The following DOCK1 variants were observed in gnomAD, a reference collection of about 807,000 sequenced individuals.
DOCK1 encodes dedicator of cytokinesis protein 1.
A neutral mutation model predicts 262.7 loss-of-function variants in DOCK1; 138 were observed. The ratio of observed to expected loss-of-function variants is 0.53; its 90% CI spans 0.46 to 0.61. DOCK1 has a LOEUF of 0.61. Ranked by LOEUF, DOCK1 falls within the 20% of genes least tolerant of loss-of-function variation. The pLI is 0.00. For missense variants in DOCK1, 1,908 were observed against 2,370.7 expected, an observed-to-expected ratio of 0.80 and a Z score of 4.05; for synonymous variants, 866 against 867.4, an observed-to-expected ratio of 1.00 and a Z score of 0.03.
chr10:126,985,706 A>G (rs1213699390), intron 4 of DOCK1, among the ~76,000 whole-genome samples: 1 of 152,160 alleles, frequency 6.6e-6, no homozygotes, highest in Non-Finnish European at 1.5e-5. Flanking sequence ...TGCAGACTTT[A>G]TAGGGATGAC....
chr10:127,124,914 C>T (rs960547589), intron 25 of DOCK1, among the ~76,000 whole-genome samples: 3 of 151,952 alleles, frequency 2.0e-5, no homozygotes, highest in Non-Finnish European at 4.4e-5. Flanking sequence ...TTAAAAAACC[C>T]GTGTGTGGCT....
intron 27 of DOCK1, among the ~76,000 whole-genome samples, chr10:127,219,632 C>T (rs919702839): frequency 1.3e-5 from 2 of 152,112 alleles, no homozygotes; most frequent in African/African-American, 4.8e-5. Flanking sequence ...AATAACAACA[C>T]CCCATTTCTC....
At chr10:127,252,769 A>G (rs942889021) in intron 28 of DOCK1, among the ~76,000 whole-genome samples, 2 of 151,742 alleles carry the variant, frequency 1.3e-5, no homozygotes, top group Non-Finnish European at 2.9e-5. Flanking sequence ...TACCAGTACC[A>G]TGCTGTTTTG....
chr10:126,926,896 A>G (rs1162387103), intron 1 of DOCK1, among the ~76,000 whole-genome samples: 1 of 152,244 alleles, frequency 6.6e-6, no homozygotes, highest in Admixed American at 6.5e-5. Flanking sequence ...AAACTGTGAG[A>G]AAATAAATAT....
At chr10:127,387,393 A>T (rs187994042) in intron 38 of DOCK1, among the ~76,000 whole-genome samples, 3 of 152,198 alleles carry the variant, frequency 2.0e-5, no homozygotes, top group Admixed American at 2.0e-4. Context: ...GGCTTTCTCA[A>T]TCTGGGCATG....
chr10:127,174,797 T>C (rs2133882280), intron 27 of DOCK1, among the ~76,000 whole-genome samples: 1 of 152,358 alleles, frequency 6.6e-6, no homozygotes, highest in Non-Finnish European at 1.5e-5. Context: ...GAAATTTCCT[T>C]TCTCTTCCTA....
intron 22 of DOCK1, among the ~76,000 whole-genome samples, chr10:127,056,393 G>T (rs769473321): frequency 6.6e-6 from 1 of 152,038 alleles, no homozygotes; most frequent in African/African-American, 2.4e-5. Context: ...ACATGGTCTC[G>T]CTATGTTGCC....
chr10:126,969,814 T>C lies in DOCK1; in HGVS notation c.47-888T>C, dbSNP rs554506710. 2.0e-5 allele frequency among the ~76,000 whole-genome samples: 3 copies of C among 152,272 alleles called. No homozygotes were observed. The South Asian group carries it at 6.2e-4, about 32-fold the overall frequency. On this transcript the variant is annotated intron_variant, in intron 1 of 51. Coordinates refer to ENST00000623213, the MANE Select transcript of DOCK1 (RefSeq NM_001290223.2). ...AGAGGAGTTTGCACATGACATGGTT[T>C]AATTTTAGAGAATTTTAGAGGTGTG... is the stretch of plus-strand genomic sequence containing the variant.
At chr10:127,052,905 T>G in intron 22 of DOCK1, 90 bp downstream of exon 22, 1 of 1,508,418 alleles carries the variant, frequency 6.6e-7, no homozygotes, top group Non-Finnish European at 8.9e-7. Flanking sequence ...GTCCCCTTAT[T>G]CTTTCCTTTC....
intron 27 of DOCK1, among the ~76,000 whole-genome samples, chr10:127,139,384 C>G (rs2051007383): frequency 6.6e-6 from 1 of 151,712 alleles, no homozygotes; most frequent in Non-Finnish European, 1.5e-5. Context: ...TCTAATATTA[C>G]TCAAAAAATT....
intron 27 of DOCK1, among the ~76,000 whole-genome samples, chr10:127,239,672 C>T (rs946854484): frequency 6.6e-6 from 1 of 152,008 alleles, no homozygotes; most frequent in African/African-American, 2.4e-5. Context: ...TTTTTTAAGA[C>T]CGAGTTACGC....
rs891546915 is a variant in DOCK1 at position 126,934,641 on chromosome 10, G to T, written c.46+29078G>T. ...AGGTTTTTTGTTTTGTTTTTTTCCT[G>T]TTGAAAAGATGTGTGTCAACTTAAC... On this transcript the variant is annotated intron_variant, in intron 1 of 51. Transcript: ENST00000623213. Among the ~76,000 whole-genome samples the T allele has an allele frequency of 1.8e-3, 274 of 151,132 alleles. 2 individuals carry two copies. Among genetic ancestry groups the T allele is most frequent in the Non-Finnish European group, 1.3e-3 (86 of 67,914 alleles).
chr10:127,038,931 A>C (rs2043838142), intron 19 of DOCK1, among the ~76,000 whole-genome samples: 1 of 152,182 alleles, frequency 6.6e-6, no homozygotes, highest in African/African-American at 2.4e-5. Flanking sequence ...TGGGACGATA[A>C]GGGGGTCACT....
intron 1 of DOCK1, among the ~76,000 whole-genome samples, chr10:126,910,714 G>A (rs983961365): frequency 3.3e-5 from 5 of 152,106 alleles, no homozygotes; most frequent in African/African-American, 1.2e-4. Flanking sequence ...AGCACCACAA[G>A]CACCACGCCT....
chr10:127,232,496 C>T (rs1160311847), intron 27 of DOCK1, among the ~76,000 whole-genome samples: 1 of 152,062 alleles, frequency 6.6e-6, no homozygotes, highest in Admixed American at 6.6e-5. Flanking sequence ...GGTCCACATT[C>T]GTACTGCAGT....
In DOCK1 at chr10:127,405,336, A is replaced by G. The variant is rs570826281; in HGVS notation, c.4122+907A>G. On this transcript the variant is annotated intron_variant, in intron 40 of 51. Transcript: ENST00000623213. ...CAAAGGAGAAGTTACATAAATATTAATAGTGCTGCCTGGCCTACCATAGAA... is the reference window on the plus strand; with the variant it reads ...CAAAGGAGAAGTTACATAAATATTAGTAGTGCTGCCTGGCCTACCATAGAA... 5.9e-5 allele frequency among the ~76,000 whole-genome samples: 9 copies of G among 152,272 alleles called. No individual in the cohort carries two copies. In the South Asian group the frequency reaches 1.9e-3, roughly 32 times the overall value.
intron 27 of DOCK1, among the ~76,000 whole-genome samples, chr10:127,231,115 C>T (rs376746675): frequency 1.3e-5 from 2 of 152,124 alleles, no homozygotes; most frequent in South Asian, 4.2e-4. Context: ...CATTAAACAA[C>T]CAGAAATTTT....
intron 27 of DOCK1, among the ~76,000 whole-genome samples, chr10:127,130,661 C>T (rs1248651601): frequency 6.6e-6 from 1 of 152,242 alleles, no homozygotes; most frequent in Non-Finnish European, 1.5e-5. Context: ...AATAATGGCA[C>T]CTCTTCACTG....
intron 1 of DOCK1, among the ~76,000 whole-genome samples, chr10:126,967,970 C>T (rs936014037): frequency 7.9e-5 from 12 of 152,038 alleles, no homozygotes; most frequent in Admixed American, 3.9e-4. Flanking sequence ...CGCACCACCA[C>T]GCCCGGCTAT....
Sources: allele counts gnomAD v4.1 joint callset (sites outside exome capture counted in the v4.1 genomes callset), GRCh38; gene constraint gnomAD v4.1.1; transcripts MANE v1.5; gene names NCBI Gene and HGNC (gene_info 2026-07-23, HGNC 2026-07-21).